The following NTSR1 variants were observed in gnomAD, a reference collection of about 807,000 sequenced individuals.
The protein encoded by NTSR1 is neurotensin receptor 1.
NTSR1 carries 29 observed loss-of-function variants against 31.2 expected under a neutral mutation model. The ratio of observed to expected loss-of-function variants is 0.93; its 90% CI spans 0.69 to 1.27. The LOEUF is 1.27. NTSR1 is among the 50% of genes most tolerant of loss of function. The pLI is 0.00. For synonymous variants in NTSR1, 282 were observed against 269.9 expected (o/e 1.04, Z -0.44); for missense variants, 697 against 595.4 (o/e 1.17, Z -1.78).
Position 62,762,251 on chromosome 20 carries a change from C to T in NTSR1, c.*1984C>T, listed in dbSNP as rs41302956. 0.01 allele frequency: 1,562 copies of T among 152,378 alleles called. 17 individuals are homozygous for T. Among genetic ancestry groups the T allele is most frequent in the Middle Eastern group, 0.044 (13 of 296 alleles). The allele number at this position is 152,378 out of a possible 1,614,324, so 9.4% of individuals were successfully genotyped here. A position where few individuals can be genotyped will look rare whatever the true frequency, so the allele number is the denominator to read the frequency against. Reference sequence around the variant, plus strand: ...GGACCTTGGGCCATAATTTCTGAGCCTCGGTTTCCCCATCTAAGGAACAGA... The same window carrying T: ...GGACCTTGGGCCATAATTTCTGAGCTTCGGTTTCCCCATCTAAGGAACAGA... On this transcript the variant is annotated 3_prime_UTR_variant, in exon 4 of 4. Transcript: ENST00000370501.
At chr20:62,746,356 C>G (rs1212802736) in intron 1 of NTSR1, among the ~76,000 whole-genome samples, 1 of 152,242 alleles carries the variant, frequency 6.6e-6, no homozygotes, top group South Asian at 2.1e-4. Context: ...TGCAGCCAGG[C>G]TGCCGCCAGC....
At position 62,754,646 on chromosome 20, in the gene NTSR1, G is replaced by A. The variant is rs185869226; in HGVS notation, c.715-39G>A. Reference sequence around the variant, plus strand: ...TCCCAGCTGAGGGTGCATGAGTCCCGCTGCTGGCTCTGACAGCCTCGCCCT... The same window carrying A: ...TCCCAGCTGAGGGTGCATGAGTCCCACTGCTGGCTCTGACAGCCTCGCCCT... On this transcript the variant is annotated intron_variant, in intron 1 of 3. Coordinates refer to ENST00000370501, the MANE Select transcript of NTSR1 (RefSeq NM_002531.3). 7.1e-5 allele frequency: 111 copies of A among 1,554,646 alleles called. 2 individuals carry two copies. In the East Asian group the frequency reaches 1.1e-3, roughly 15 times the overall value.
intron 1 of NTSR1, among the ~76,000 whole-genome samples, chr20:62,729,541 G>A (rs1209102973): frequency 1.3e-5 from 2 of 152,012 alleles, no homozygotes; most frequent in Non-Finnish European, 2.9e-5. Context: ...GGTGCTTCCA[G>A]AATGCAGACC....
chr20:62,714,191 G>A lies in NTSR1; in HGVS notation c.714+4270G>A, dbSNP rs1040974080. ...AGGACGGGAAGGGGACCCACGCCAC[G>A]CAGCTGTGGGCAGCTCTGGCTCTGG... is the stretch of plus-strand genomic sequence containing the variant. On this transcript the variant is annotated intron_variant, in intron 1 of 3. Coordinates refer to ENST00000370501, the MANE Select transcript of NTSR1 (RefSeq NM_002531.3). This position sits in a 1 kb window ranked among gnomAD's most constrained non-coding sequence, Gnocchi z 4.1. Among the ~76,000 whole-genome samples the A allele has an allele frequency of 2.0e-5, 3 of 152,342 alleles. No homozygotes were observed. Among genetic ancestry groups the A allele is most frequent in the South Asian group, 2.1e-4 (1 of 4,824 alleles).
At chr20:62,749,876 G>A (rs1039941793) in intron 1 of NTSR1, among the ~76,000 whole-genome samples, 2 of 152,178 alleles carry the variant, frequency 1.3e-5, no homozygotes, top group African/African-American at 4.8e-5. Flanking sequence ...GGCTGTTACG[G>A]AAAACAGGAT....
intron 2 of NTSR1, chr20:62,756,748 C>T (rs1989520728): frequency 6.6e-6 from 1 of 152,238 alleles, no homozygotes. Context: ...GTGTCCTGGT[C>T]CCAGTGTGTG....
intron 1 of NTSR1, among the ~76,000 whole-genome samples, chr20:62,728,095 C>A (rs1988939689): frequency 9.4e-6 from 1 of 105,874 alleles, no homozygotes; most frequent in Admixed American, 9.0e-5. Flanking sequence ...CTTATGACCA[C>A]AAGGACGAGC....
chr20:62,713,146 G>C (rs1044226186), intron 1 of NTSR1, among the ~76,000 whole-genome samples: 11 of 152,222 alleles, frequency 7.2e-5, no homozygotes, highest in Admixed American at 2.6e-4. Flanking sequence ...CTGAGCAGCC[G>C]TGAGGACTCC....
chr20:62,731,857 G>A (rs930646461), intron 1 of NTSR1, among the ~76,000 whole-genome samples: 6 of 152,176 alleles, frequency 3.9e-5, no homozygotes, highest in African/African-American at 1.4e-4. Flanking sequence ...GGTGGCTCAC[G>A]CCTGTAATCC....
chr20:62,725,466 CCCCGCTGCCTT>C (rs976501902), intron 1 of NTSR1, among the ~76,000 whole-genome samples: 2 of 152,182 alleles, frequency 1.3e-5, no homozygotes, highest in Non-Finnish European at 2.9e-5. Flanking sequence ...CCCGTCTCCC[CCCCGCTGCCTT>C]CCGGTCCCAT....
chr20:62,762,591 G>T lies in NTSR1; in HGVS notation c.*2324G>T, dbSNP rs990308220. The T allele has an allele frequency of 6.6e-6, 1 of 152,122 alleles. No homozygotes were observed. Among genetic ancestry groups the T allele is most frequent in the South Asian group, 2.1e-4 (1 of 4,836 alleles). The allele number at this position is 152,122 out of a possible 1,614,324, so 9.4% of individuals were successfully genotyped here. ...TGCGGCCAGGTCATGATGTGGCCCCGGAAGCTGGCCCTGCGTGCCATGAGT... is the reference window on the plus strand; with the variant it reads ...TGCGGCCAGGTCATGATGTGGCCCCTGAAGCTGGCCCTGCGTGCCATGAGT... On this transcript the variant is annotated 3_prime_UTR_variant, in exon 4 of 4. Transcript: ENST00000370501.
In NTSR1 at chr20:62,743,817, G is replaced by A. The variant is rs752228482; in HGVS notation, c.715-10868G>A. On this transcript the variant is annotated intron_variant, in intron 1 of 3. Transcript: ENST00000370501. The surrounding 1 kb of genome is among the most constrained non-coding windows in gnomAD (Gnocchi z 7.5). Reference sequence around the variant, plus strand: ...TGCTCTCGAAGAGCGAGGTGAGAACGCCCTGCCTGAGGTCGAGGGGCTGAG... The same window carrying A: ...TGCTCTCGAAGAGCGAGGTGAGAACACCCTGCCTGAGGTCGAGGGGCTGAG... Among the ~76,000 whole-genome samples, 15 of 152,190 alleles carry A rather than the reference G, an allele frequency of 9.9e-5. No individual in the cohort carries two copies. Among genetic ancestry groups the A allele is most frequent in the Non-Finnish European group, 2.1e-4 (14 of 68,038 alleles).
At chr20:62,735,779 G>T (rs1197479103) in intron 1 of NTSR1, among the ~76,000 whole-genome samples, 1 of 152,196 alleles carries the variant, frequency 6.6e-6, no homozygotes, top group East Asian at 1.9e-4. Flanking sequence ...CACACACTGC[G>T]ACCGGGGACC....
intron 1 of NTSR1, among the ~76,000 whole-genome samples, chr20:62,753,337 C>G (rs1989425314): frequency 6.6e-6 from 1 of 152,182 alleles, no homozygotes; most frequent in Non-Finnish European, 1.5e-5. Context: ...CGAGACACGG[C>G]GAGGATTGTC....
intron 1 of NTSR1, among the ~76,000 whole-genome samples, chr20:62,712,447 CAG>C (rs991757553): frequency 1.3e-5 from 2 of 152,232 alleles, no homozygotes; most frequent in African/African-American, 4.8e-5. Context: ...CACTTGCAAA[CAG>C]AAATTGTGTT....
intron 1 of NTSR1, among the ~76,000 whole-genome samples, chr20:62,718,984 A>G (rs1200896516): frequency 6.6e-6 from 1 of 152,118 alleles, no homozygotes; most frequent in East Asian, 1.9e-4. Flanking sequence ...CTTAACCCAC[A>G]TGAAGCAGTG....
intron 1 of NTSR1, among the ~76,000 whole-genome samples, chr20:62,731,331 G>A (rs752340770): frequency 7.2e-5 from 11 of 152,092 alleles, no homozygotes; most frequent in Non-Finnish European, 1.2e-4. Context: ...TGATCCACCC[G>A]CCTTGGCCTC....
chr20:62,747,572 A>C (rs1989322842), intron 1 of NTSR1, among the ~76,000 whole-genome samples: 1 of 152,262 alleles, frequency 6.6e-6, no homozygotes, highest in South Asian at 2.1e-4. Flanking sequence ...GATAAGAAGT[A>C]GAAAGCTTTT....
chr20:62,750,861 A>T (rs1568709523), intron 1 of NTSR1, among the ~76,000 whole-genome samples: 1 of 152,064 alleles, frequency 6.6e-6, no homozygotes, highest in African/African-American at 2.4e-5. Context: ...ACAACATCAC[A>T]TTGTACACAG....
Sources: gnomAD v4.1 joint callset for allele counts (sites outside exome capture counted in the v4.1 genomes callset) on GRCh38, gnomAD v4.1.1 for gene constraint, Gnocchi (gnomAD v3.1) non-coding constraint, MANE v1.5 for transcripts, NCBI Gene and HGNC (gene_info 2026-07-23, HGNC 2026-07-21) for gene names.